GRK4: variants seen among roughly 807,000 people sequenced by gnomAD.
The protein encoded by GRK4 is G protein-coupled receptor kinase 4, also known as G protein-coupled receptor kinase 2-like.
A neutral mutation model predicts 77.9 loss-of-function variants in GRK4; 73 were observed. That is an observed-to-expected ratio of 0.94 (90% CI 0.78 to 1.14). The LOEUF (loss-of-function observed/expected upper bound fraction) is 1.14. Among genes scored for constraint, GRK4 ranks in the 50% most tolerant of loss-of-function variants. GRK4 has a pLI of 0.00. For synonymous variants in GRK4, 257 were observed against 254.4 expected, an observed-to-expected ratio of 1.01 and a Z score of -0.10; for missense variants, 729 against 700.2, an observed-to-expected ratio of 1.04 and a Z score of -0.46.
intron 2 of GRK4, chr4:2,987,018 A>C: frequency 2.5e-6 from 1 of 396,076 alleles, no homozygotes; most frequent in South Asian, 1.9e-5. Flanking sequence ...ATAGTTTTTA[A>C]TATATTGAGT....
intron 2 of GRK4, among the ~76,000 whole-genome samples, chr4:2,986,352 A>ATTT (rs1560381271): frequency 1.4e-5 from 1 of 73,988 alleles, no homozygotes; most frequent in South Asian, 3.6e-4. Context: ...AAAAGGTGTT[A>ATTT]TCTTTTTTTT....
chr4:2,983,511 A>T (rs1723415427), intron 1 of GRK4, among the ~76,000 whole-genome samples: 1 of 152,136 alleles, frequency 6.6e-6, no homozygotes, highest in Admixed American at 6.5e-5. Context: ...TCACCATGGG[A>T]TGCTCTTCTC....
chr4:3,033,275 C>T (rs1361638678), intron 12 of GRK4, among the ~76,000 whole-genome samples: 1 of 152,166 alleles, frequency 6.6e-6, no homozygotes, highest in Non-Finnish European at 1.5e-5. Flanking sequence ...CTTCTCACTG[C>T]ACCCTCACAG....
At chr4:2,967,470 A>G (rs939979895) in intron 1 of GRK4, among the ~76,000 whole-genome samples, 2 of 152,192 alleles carry the variant, frequency 1.3e-5, no homozygotes, top group Non-Finnish European at 1.5e-5. Flanking sequence ...GTATGATCTC[A>G]GCACACTGCA....
chr4:3,040,257 A>T (rs1021259573), intron 15 of GRK4, among the ~76,000 whole-genome samples: 1 of 152,072 alleles, frequency 6.6e-6, no homozygotes, highest in African/African-American at 2.4e-5. Context: ...CCTGGCCAAC[A>T]TGGTGAAACC....
At chr4:3,029,685 T>C (rs1738614740) in intron 12 of GRK4, among the ~76,000 whole-genome samples, 1 of 152,048 alleles carries the variant, frequency 6.6e-6, no homozygotes, top group Non-Finnish European at 1.5e-5. Context: ...ACACGCGTGT[T>C]CAGGAGGCTC....
At chr4:3,009,388 C>T (rs918158549) in intron 6 of GRK4, among the ~76,000 whole-genome samples, 4 of 148,618 alleles carry the variant, frequency 2.7e-5, no homozygotes, top group Admixed American at 1.4e-4. Context: ...TGCCACTGCA[C>T]TCCAGCCCTG....
chr4:2,965,371 C>G (rs760451760), intron 1 of GRK4: 65 of 702,948 alleles, frequency 9.2e-5, no homozygotes, highest in Non-Finnish European at 2.3e-5. Context: ...GAGCTGGCGA[C>G]AGAGCCTCGG....
At chr4:2,981,523 G>A (rs941508124) in intron 1 of GRK4, among the ~76,000 whole-genome samples, 19 of 152,308 alleles carry the variant, frequency 1.2e-4, no homozygotes, top group African/African-American at 4.3e-4. Context: ...TTGTCCTGAT[G>A]AGTATACAGC....
intron 1 of GRK4, chr4:2,965,277 C>T: frequency 4.3e-6 from 3 of 703,032 alleles, no homozygotes; most frequent in Non-Finnish European, 7.8e-6. Context: ...ATCAGTTGGT[C>T]CAGCCCTTCA....
At chr4:2,988,609 A>G (rs1725160074) in intron 2 of GRK4, 118 bp from the exon 3 acceptor site, 3 of 593,818 alleles carry the variant, frequency 5.1e-6, no homozygotes, top group Non-Finnish European at 9.2e-6. Context: ...TGAAAATAAT[A>G]CGGCAAATAC....
intron 1 of GRK4, among the ~76,000 whole-genome samples, chr4:2,974,393 GATC>G (rs1410159764): frequency 6.6e-6 from 1 of 152,220 alleles, no homozygotes; most frequent in Non-Finnish European, 1.5e-5. Flanking sequence ...TAGCAGTTAA[GATC>G]ATGGGCTTTG....
At chr4:3,036,339 G>A (rs994931186) in intron 13 of GRK4, among the ~76,000 whole-genome samples, 3 of 152,228 alleles carry the variant, frequency 2.0e-5, no homozygotes, top group African/African-American at 7.2e-5. Flanking sequence ...GACTGTCCCC[G>A]AGGGGCGGGG....
At position 2,992,284 on chromosome 4, in the gene GRK4, A is replaced by G. The variant is rs757713704; in HGVS notation, c.331A>G (p.Asn111Asp). ...ACTGTCAATCTTAGATAGATTCTTC[A>G]ATGATAAGGTGTGTTTTCTTCTTTA... Reference protein sequence around the residue: ...CGLSILDRFFNDKLAAPLPEI... With the variant: ...CGLSILDRFFDDKLAAPLPEI... The change falls in exon 4 of 16, where the codon AAT becomes GAT. Residue 111 changes from asparagine to aspartate, a missense_variant. Transcript: ENST00000398052. The G allele has an allele frequency of 3.1e-6, 5 of 1,596,578 alleles. No homozygotes were observed. In the Admixed American group the frequency reaches 6.7e-5, roughly 21 times the overall value.
At chr4:3,008,353 G>T (rs1022438827) in intron 6 of GRK4, among the ~76,000 whole-genome samples, 9 of 152,128 alleles carry the variant, frequency 5.9e-5, no homozygotes, top group Admixed American at 5.2e-4. Context: ...TGTGGCCTCA[G>T]GTAAGTGGCT....
chr4:2,989,648 A>G (rs1008886381), intron 3 of GRK4, among the ~76,000 whole-genome samples: 1 of 152,206 alleles, frequency 6.6e-6, no homozygotes, highest in African/African-American at 2.4e-5. Context: ...TCCTTTCTGC[A>G]CTCAACTGGC....
At chr4:3,002,977 T>C (rs1052979103) in intron 4 of GRK4, among the ~76,000 whole-genome samples, 1 of 152,204 alleles carries the variant, frequency 6.6e-6, no homozygotes, top group African/African-American at 2.4e-5. Context: ...AAGTGTGCAC[T>C]TCAGTAGTGT....
intron 1 of GRK4, among the ~76,000 whole-genome samples, chr4:2,972,034 T>TCC (rs1719703837): frequency 6.6e-6 from 1 of 152,242 alleles, no homozygotes; most frequent in Admixed American, 6.5e-5. Context: ...AATAGAACTC[T>TCC]AACATAAACG....
At chr4:2,971,449 A>G (rs1051576973) in intron 1 of GRK4, among the ~76,000 whole-genome samples, 8 of 152,170 alleles carry the variant, frequency 5.3e-5, no homozygotes, top group African/African-American at 1.7e-4. Context: ...GTTGTGGCCT[A>G]TAGTAGGTTC....
Sources: allele counts gnomAD v4.1 joint callset (sites outside exome capture counted in the v4.1 genomes callset), GRCh38; gene constraint gnomAD v4.1.1; transcripts MANE v1.5; gene names NCBI Gene and HGNC (gene_info 2026-07-23, HGNC 2026-07-21).